Variants in LRFN5 observed in about 807,000 individuals in gnomAD.
LRFN5 encodes leucine rich repeat and fibronectin type III domain containing 5, also known as leucine-rich repeat and fibronectin type-III domain-containing protein 5.
LRFN5 carries 24 observed loss-of-function variants against 45.6 expected under a neutral mutation model. The observed-to-expected ratio is 0.53, with a 90% CI of 0.38 to 0.74. LRFN5 has a LOEUF of 0.74. Among genes scored for constraint, LRFN5 ranks in the 30% least tolerant of loss-of-function variants. The probability of loss-of-function intolerance (pLI) is 0.00; values close to 1 mark genes in which losing one functional copy is unlikely to be tolerated. For synonymous variants in LRFN5, 340 were observed against 313.8 expected (o/e 1.08, Z -0.88); for missense variants, 776 against 861.5 (o/e 0.90, Z 1.24).
chr14:41,893,820 T>A (rs147082951), intron 4 of LRFN5: 41 of 985,386 alleles, frequency 4.2e-5, no homozygotes, highest in Non-Finnish European at 4.7e-5. Flanking sequence ...CCTGATTCTC[T>A]TTCTAAAAAG....
chr14:41,657,950 C>A (rs1880456615), intron 1 of LRFN5, among the ~76,000 whole-genome samples: 1 of 151,542 alleles, frequency 6.6e-6, no homozygotes, highest in East Asian at 1.9e-4. Flanking sequence ...AACCTCTGAC[C>A]TATGTCAACA....
intron 1 of LRFN5, among the ~76,000 whole-genome samples, chr14:41,680,637 G>A (rs1267309637): frequency 1.3e-5 from 2 of 152,000 alleles, no homozygotes; most frequent in African/African-American, 2.4e-5. Context: ...TTGAAAACCT[G>A]GAAAGCCATC....
intron 2 of LRFN5, among the ~76,000 whole-genome samples, chr14:41,835,910 T>G (rs1011137242): frequency 6.7e-6 from 1 of 150,258 alleles, no homozygotes; most frequent in African/African-American, 2.5e-5. Context: ...ATAAAAAGTT[T>G]TTCTTTTCTT....
At chr14:41,873,749 C>A (rs1890100765) in intron 2 of LRFN5, among the ~76,000 whole-genome samples, 1 of 152,116 alleles carries the variant, frequency 6.6e-6, no homozygotes, top group Non-Finnish European at 1.5e-5. Flanking sequence ...TTCTAGATGC[C>A]TGAATTCTGT....
At chr14:41,708,940 C>T (rs184186583) in intron 1 of LRFN5, among the ~76,000 whole-genome samples, 5 of 149,600 alleles carry the variant, frequency 3.3e-5, no homozygotes, top group Admixed American at 1.3e-4. Flanking sequence ...GTGTTAAAAA[C>T]GTATCCATCT....
chr14:41,872,959 T>G (rs900131130), intron 2 of LRFN5, among the ~76,000 whole-genome samples: 1 of 152,210 alleles, frequency 6.6e-6, no homozygotes, highest in Non-Finnish European at 1.5e-5. Context: ...TCACTAAACT[T>G]TTGTCTAAAT....
At chr14:41,859,437 C>T (rs1444129907) in intron 2 of LRFN5, among the ~76,000 whole-genome samples, 7 of 152,164 alleles carry the variant, frequency 4.6e-5, no homozygotes. Context: ...CGAGGAAAGA[C>T]CATTAACCCT....
intron 2 of LRFN5, among the ~76,000 whole-genome samples, chr14:41,845,316 AG>A (rs1477511782): frequency 1.3e-5 from 2 of 152,140 alleles, no homozygotes; most frequent in Non-Finnish European, 2.9e-5. Flanking sequence ...TTATTAGAAA[AG>A]ATTGTATACA....
chr14:41,622,359 A>C (rs1888166833), intron 1 of LRFN5, among the ~76,000 whole-genome samples: 1 of 152,102 alleles, frequency 6.6e-6, no homozygotes, highest in South Asian at 2.1e-4. Flanking sequence ...TGGATCTAAT[A>C]GAATTTTACA....
intron 2 of LRFN5, among the ~76,000 whole-genome samples, chr14:41,882,251 G>A (rs1169304338): frequency 6.6e-6 from 1 of 151,452 alleles, no homozygotes; most frequent in Admixed American, 6.6e-5. Flanking sequence ...TCTTTTGGCT[G>A]CACCTACCCC....
At chr14:41,837,778 A>G (rs1417279703) in intron 2 of LRFN5, among the ~76,000 whole-genome samples, 1 of 152,188 alleles carries the variant, frequency 6.6e-6, no homozygotes, top group Non-Finnish European at 1.5e-5. Flanking sequence ...TAAAATAGCT[A>G]AAATAATTTA....
intron 1 of LRFN5, among the ~76,000 whole-genome samples, chr14:41,676,377 A>G (rs1881629694): frequency 6.6e-6 from 1 of 152,256 alleles, no homozygotes; most frequent in Non-Finnish European, 1.5e-5. Flanking sequence ...GCAGACCTTA[A>G]GCTCAGAAGC....
chr14:41,899,032 G>A, intron 5 of LRFN5, 72 bp downstream of exon 5: 3 of 1,218,894 alleles, frequency 2.5e-6, no homozygotes, highest in Non-Finnish European at 3.5e-6. Context: ...TTAACTTTAA[G>A]TAATTAGTTT....
intron 2 of LRFN5, among the ~76,000 whole-genome samples, chr14:41,846,363 C>G (rs1243961279): frequency 2.6e-5 from 4 of 152,122 alleles, no homozygotes; most frequent in African/African-American, 9.6e-5. Flanking sequence ...TAGAAAAAGA[C>G]TCCAACAATA....
intron 1 of LRFN5, among the ~76,000 whole-genome samples, chr14:41,737,274 T>C (rs1052920787): frequency 1.3e-5 from 2 of 152,166 alleles, no homozygotes; most frequent in Non-Finnish European, 2.9e-5. Flanking sequence ...CAATAGATGC[T>C]GAAAAGGTTT....
intron 2 of LRFN5, among the ~76,000 whole-genome samples, chr14:41,784,536 G>GA (rs1334559443): frequency 2.0e-5 from 3 of 151,776 alleles, no homozygotes; most frequent in Non-Finnish European, 4.4e-5. Context: ...GTAGACTGCT[G>GA]ACATAGTTTT....
At chr14:41,743,165 T>C (rs1884778059) in intron 1 of LRFN5, among the ~76,000 whole-genome samples, 3 of 152,176 alleles carry the variant, frequency 2.0e-5, no homozygotes, top group Admixed American at 6.5e-5. Flanking sequence ...CTTGAGGAAA[T>C]TTTGATTTCA....
intron 1 of LRFN5, among the ~76,000 whole-genome samples, chr14:41,692,582 CA>C (rs1882427311): frequency 6.6e-6 from 1 of 152,088 alleles, no homozygotes; most frequent in Non-Finnish European, 1.5e-5. Context: ...CACACCACAA[CA>C]GGCCCCAGTG....
chr14:41,904,451 G>C lies in LRFN5; in HGVS notation c.*276G>C, dbSNP rs1891196648. On this transcript the variant is annotated 3_prime_UTR_variant, in exon 6 of 6. Transcript: ENST00000298119. ...AAAGCCTACATTGGCATCAAGTTCT[G>C]TATCAATCCATCTTACATTGCCATC... The C allele has an allele frequency of 2.7e-6, 1 of 372,590 alleles. No individual in the cohort carries two copies. The highest frequency in any genetic ancestry group is 4.3e-5 in the East Asian group (1 of 23,210). The allele number at this position is 372,590 out of a possible 1,614,324, so 23.1% of individuals were successfully genotyped here. A position where few individuals can be genotyped will look rare whatever the true frequency, so the allele number is the denominator to read the frequency against.
Sources: gnomAD v4.1 joint callset for allele counts (sites outside exome capture counted in the v4.1 genomes callset) on GRCh38, gnomAD v4.1.1 for gene constraint, MANE v1.5 for transcripts, NCBI Gene and HGNC (gene_info 2026-07-23, HGNC 2026-07-21) for gene names.